The following SENP7 variants were observed in gnomAD, a reference collection of about 807,000 sequenced individuals.
SENP7 encodes the protein SUMO specific peptidase 7.
In SENP7, 64 loss-of-function variants were observed where a neutral mutation model predicts 141.2. That is an observed-to-expected ratio of 0.45 (90% CI 0.37 to 0.56). The LOEUF (loss-of-function observed/expected upper bound fraction) is 0.56, where lower values mean the gene tolerates loss of function less well. Among genes scored for constraint, SENP7 ranks in the 20% least tolerant of loss-of-function variants. The pLI is 0.00. For synonymous variants in SENP7, 382 were observed against 426.4 expected (o/e 0.90, Z 1.28); for missense variants, 1,025 against 1,212.2 (o/e 0.85, Z 2.29).
intron 3 of SENP7, among the ~76,000 whole-genome samples, chr3:101,473,422 C>T (rs1300301455): frequency 1.3e-5 from 2 of 152,102 alleles, no homozygotes; most frequent in Non-Finnish European, 2.9e-5. Context: ...TTAATAGTAG[C>T]AATTTTGACT....
chr3:101,391,347 TAA>T (rs36023654), intron 6 of SENP7, among the ~76,000 whole-genome samples: 16 of 147,346 alleles, frequency 1.1e-4, no homozygotes, highest in South Asian at 2.1e-4. Flanking sequence ...CAACCAAGAT[TAA>T]AAAAAAAAAC....
chr3:101,426,706 G>C (rs1324659746), intron 4 of SENP7, among the ~76,000 whole-genome samples: 1 of 151,804 alleles, frequency 6.6e-6, no homozygotes, highest in Non-Finnish European at 1.5e-5. Context: ...GATCTTGAAC[G>C]CCAGACCTCA....
intron 3 of SENP7, among the ~76,000 whole-genome samples, chr3:101,469,051 G>C (rs978501992): frequency 2.0e-5 from 3 of 151,960 alleles, no homozygotes; most frequent in African/African-American, 7.3e-5. Context: ...CAAAAAAAAA[G>C]CAGGGGTTGC....
At chr3:101,509,257 ATC>A (rs2065752869) in intron 1 of SENP7, among the ~76,000 whole-genome samples, 1 of 151,520 alleles carries the variant, frequency 6.6e-6, no homozygotes, top group Non-Finnish European at 1.5e-5. Flanking sequence ...TTTCCTTCCC[ATC>A]TCATTTTCCC....
chr3:101,439,457 A>G (rs1490431091), intron 4 of SENP7, among the ~76,000 whole-genome samples: 1 of 10,400 alleles, frequency 9.6e-5, no homozygotes, highest in African/African-American at 5.8e-4. Flanking sequence ...GTGGGGGGTC[A>G]GCCCCCCCGC....
At chr3:101,501,580 TGCTTA>T (rs59105605) in intron 1 of SENP7, among the ~76,000 whole-genome samples, 59,998 of 151,546 alleles carry the variant, frequency 0.4, 12,326 homozygotes, top group Admixed American at 0.53. Context: ...CTGGGCAACA[TGCTTA>T]GGGAACAGCT....
chr3:101,423,376 G>C (rs562591896), intron 4 of SENP7, among the ~76,000 whole-genome samples: 1 of 152,142 alleles, frequency 6.6e-6, no homozygotes, highest in Non-Finnish European at 1.5e-5. Context: ...CATTAGAAAG[G>C]GTGATAATAA....
In SENP7 at chr3:101,347,780, A is replaced by G. The variant is rs1000627192; in HGVS notation, c.1837+92T>C. Reference sequence around the variant, plus strand: ...CACTAAATAAAATTAATTTCAATTCACTGAAATAACATTCTATTAAATTAT... The same window carrying G: ...CACTAAATAAAATTAATTTCAATTCGCTGAAATAACATTCTATTAAATTAT... On this transcript the variant is annotated intron_variant, in intron 13 of 23. Transcript: ENST00000394095. 8 of 604,778 alleles carry G rather than the reference A, an allele frequency of 1.3e-5. No homozygotes were observed. The Admixed American group carries it at 2.1e-4, about 16-fold the overall frequency. The allele number at this position is 604,778 out of a possible 1,614,324, so 37.5% of individuals were successfully genotyped here.
At chr3:101,497,627 CATAGA>C (rs2065211708) in intron 2 of SENP7, among the ~76,000 whole-genome samples, 1 of 152,070 alleles carries the variant, frequency 6.6e-6, no homozygotes, top group East Asian at 1.9e-4. Flanking sequence ...GATTATAACT[CATAGA>C]ATAAACTAAA....
At chr3:101,418,747 A>G (rs1476481169) in intron 4 of SENP7, among the ~76,000 whole-genome samples, 1 of 152,068 alleles carries the variant, frequency 6.6e-6, no homozygotes, top group South Asian at 2.1e-4. Flanking sequence ...ATCTAGTGGG[A>G]AGAGGGTACA....
rs1321448535 is a variant in SENP7, at chr3:101,372,031, A to G, written c.773T>C (p.Leu258Ser). Reference protein sequence around the residue: ...KRRKDDGISLLISDTQPEDLN... With the variant: ...KRRKDDGISLSISDTQPEDLN... ...ACCTTCAGGCTGAGTATCAGATATT[A>G]AAAGAGAAATGCCATCATCCTTTCT... Residue 258 changes from leucine to serine, a missense_variant, in exon 7 of 24, where the codon TTA becomes TCA. By Grantham distance (145) the Leu-to-Ser change is moderately radical. This residue lies in a region of SENP7 where 496 missense variants were observed against 503.5 expected (regional missense o/e 0.99). Coordinates refer to ENST00000394095, the MANE Select transcript of SENP7 (RefSeq NM_020654.5). The G allele has an allele frequency of 6.4e-7, 1 of 1,552,764 alleles. No individual in the cohort carries two copies. The highest frequency in any genetic ancestry group is 2.3e-5 in the East Asian group (1 of 44,296).
intron 3 of SENP7, among the ~76,000 whole-genome samples, chr3:101,467,058 C>A (rs1157702674): frequency 6.6e-6 from 1 of 152,232 alleles, no homozygotes; most frequent in Admixed American, 6.5e-5. Context: ...GCAGGTCCCA[C>A]GCCCACAAAG....
Position 101,513,164 on chromosome 3 carries a change from C to T in SENP7, c.-34G>A. On this transcript the variant is annotated 5_prime_UTR_variant, in exon 1 of 24. Coordinates refer to ENST00000394095, the MANE Select transcript of SENP7 (RefSeq NM_020654.5). Reference sequence around the variant, plus strand: ...GCTGCTGAAATTTCAGTTGCAGGCGCTGTCACCTCAGGACCCCTCCGGCTT... The same window carrying T: ...GCTGCTGAAATTTCAGTTGCAGGCGTTGTCACCTCAGGACCCCTCCGGCTT... 7.1e-7 allele frequency: 1 copy of T among 1,415,622 alleles called. No homozygotes were observed. Among genetic ancestry groups the T allele is most frequent in the Admixed American group, 2.0e-5 (1 of 50,880 alleles). The allele number at this position is 1,415,622 out of a possible 1,614,324, so 87.7% of individuals were successfully genotyped here.
intron 2 of SENP7, among the ~76,000 whole-genome samples, chr3:101,496,188 A>G (rs537997039): frequency 8.5e-5 from 13 of 152,226 alleles, no homozygotes; most frequent in Non-Finnish European, 1.8e-4. Context: ...ACCCAGTGAA[A>G]TAAGTTCTTA....
At chr3:101,423,409 G>C (rs2061848832) in intron 4 of SENP7, among the ~76,000 whole-genome samples, 1 of 152,168 alleles carries the variant, frequency 6.6e-6, no homozygotes, top group African/African-American at 2.4e-5. Flanking sequence ...TGTAAGTGTT[G>C]GCAGGGGTGT....
At chr3:101,387,788 C>T (rs999752273) in intron 6 of SENP7, among the ~76,000 whole-genome samples, 1 of 152,224 alleles carries the variant, frequency 6.6e-6, no homozygotes, top group Non-Finnish European at 1.5e-5. Context: ...CTGCACACAC[C>T]ATCAGTGGGG....
chr3:101,477,542 G>C lies in SENP7; in HGVS notation c.186+16331C>G, dbSNP rs1576472113. 3.3e-5 allele frequency among the ~76,000 whole-genome samples: 5 copies of C among 152,006 alleles called. No homozygotes were observed. The East Asian group carries it at 9.6e-4, about 29-fold the overall frequency. Reference sequence around the variant, plus strand: ...GCACCTGAAAAAAATAGAAAAGTCAGAACAAGCCAAAACAAAATTAGTAAA... The same window carrying C: ...GCACCTGAAAAAAATAGAAAAGTCACAACAAGCCAAAACAAAATTAGTAAA... On this transcript the variant is annotated intron_variant, in intron 3 of 23. Transcript: ENST00000394095.
At chr3:101,474,243 T>C (rs991788374) in intron 3 of SENP7, among the ~76,000 whole-genome samples, 1 of 152,232 alleles carries the variant, frequency 6.6e-6, no homozygotes, top group Non-Finnish European at 1.5e-5. Flanking sequence ...CATTGGTAGT[T>C]TCATAAGAAT....
intron 23 of SENP7, among the ~76,000 whole-genome samples, chr3:101,327,121 T>A (rs1046240538): frequency 7.9e-5 from 12 of 152,150 alleles, no homozygotes; most frequent in African/African-American, 2.7e-4. Context: ...ATTTTAAAGT[T>A]CTTATCTGCC....
Sources: gnomAD v4.1 joint callset for allele counts (sites outside exome capture counted in the v4.1 genomes callset) on GRCh38, gnomAD v4.1.1 for gene constraint, gnomAD v4.1.1 regional missense constraint, MANE v1.5 for transcripts, NCBI Gene and HGNC (gene_info 2026-07-23, HGNC 2026-07-21) for gene names.